The following TRO variants were observed in gnomAD, a reference collection of about 807,000 sequenced individuals.
The protein encoded by TRO is trophinin.
In TRO, 29 loss-of-function variants were observed where a neutral mutation model predicts 42.3. The ratio of observed to expected loss-of-function variants is 0.68; its 90% confidence interval spans 0.51 to 0.93. The LOEUF (loss-of-function observed/expected upper bound fraction) is 0.93, where lower values mean the gene tolerates loss of function less well. Among genes scored for constraint, TRO ranks in the 40% least tolerant of loss-of-function variants. The pLI is 0.00. For missense variants in TRO, 963 were observed against 1,127.7 expected (o/e 0.85, Z 2.09); for synonymous variants, 384 against 425.2 (o/e 0.90, Z 1.19).
Position 54,922,635 on chromosome X carries a change from G to C in TRO, c.103G>C (p.Glu35Gln). The C allele has an allele frequency of 1.7e-6, 2 of 1,211,477 alleles. No individual in the cohort carries two copies. Among genetic ancestry groups the C allele is most frequent in the Non-Finnish European group, 2.2e-6 (2 of 895,445 alleles). Residue 35 changes from glutamate (E) to glutamine (Q), a missense_variant, in exon 3 of 13, where the codon GAG becomes CAG. By Grantham distance (29) the Glu-to-Gln change is conservative. Coordinates refer to ENST00000173898, the MANE Select transcript of TRO (RefSeq NM_001039705.3). Reference sequence around the variant, plus strand: ...TCCCTTCCCTCCAGATATACAGACTGAGACCACAGAAGAGGACAGTGTCCT... The same window carrying C: ...TCCCTTCCCTCCAGATATACAGACTCAGACCACAGAAGAGGACAGTGTCCT... ...GLPFPPDIQT[E>Q]TTEEDSVLLM...
Position 54,928,649 on chromosome X carries a change from C to T in TRO, c.1925C>T (p.Ala642Val). Reference sequence around the variant, plus strand: ...GACTGGGCTGTGCAGTACCGCGAGGCAGTGGAGATGGAAGTCCAAGCTGCA... The same window carrying T: ...GACTGGGCTGTGCAGTACCGCGAGGTAGTGGAGATGGAAGTCCAAGCTGCA... ...PKDWAVQYRE[A>V]VEMEVQAAAV... The change falls in exon 12 of 13, where the codon GCA becomes GTA. Residue 642 changes from alanine (A) to valine (V), a missense_variant. This residue lies in a region of TRO where 641 missense variants were observed against 811.3 expected (regional missense o/e 0.79). Coordinates refer to ENST00000173898, the MANE Select transcript of TRO (RefSeq NM_001039705.3). The T allele has an allele frequency of 8.4e-7, 1 of 1,193,264 alleles. No individual in the cohort carries two copies. Among genetic ancestry groups the T allele is most frequent in the Non-Finnish European group, 1.1e-6 (1 of 886,667 alleles).
At chrX:54,923,878 T>C in intron 3 of TRO, 110 bp downstream of exon 3, 1 of 812,319 alleles carries the variant, frequency 1.2e-6, no homozygotes, top group African/African-American at 2.1e-5. Flanking sequence ...GTCCCTGTGT[T>C]CAGATAGGCT....
intron 5 of TRO, 27 bp downstream of exon 5, chrX:54,924,760 G>C: frequency 8.4e-7 from 1 of 1,193,968 alleles, no homozygotes; most frequent in Non-Finnish European, 1.1e-6. Context: ...CCTCCTCCTT[G>C]AGCTCTCCTC....
rs372629781 is a variant in TRO, at chrX:54,923,033, G to A, written c.501G>A (p.Lys167=). The change falls in exon 3 of 13, where the codon AAG becomes AAA. Residue 167 remains lysine (K), a synonymous_variant. Coordinates refer to ENST00000173898, the MANE Select transcript of TRO (RefSeq NM_001039705.3). ...ATGAGGGTGGCACTATACAGCTGAA[G>A]TCACCCTTGCAGGTCCTAAAGCTAC... ...TGHEGGTIQL[K]SPLQVLKLPV... 76 of 1,210,458 alleles carry A rather than the reference G, an allele frequency of 6.3e-5. No homozygotes were observed. The highest frequency in any genetic ancestry group is 8.4e-5 in the Non-Finnish European group (75 of 895,419).
At chrX:54,926,331 G>A (rs771068974) in intron 7 of TRO, 79 bp from the exon 8 acceptor site, 2 of 993,237 alleles carry the variant, frequency 2.0e-6, no homozygotes, top group Non-Finnish European at 2.8e-6. Flanking sequence ...TGTATCTTTT[G>A]CGGATGGCTG....
At position 54,923,655 on chromosome X, in the gene TRO, G is replaced by C. The variant is rs374161292; in HGVS notation, c.1123G>C (p.Val375Leu). Reference sequence around the variant, plus strand: ...CAAGATAGCCTCTGCTCAGACCAACGTAAGTGCCCTTGAGACTCAGGTTGC... The same window carrying C: ...CAAGATAGCCTCTGCTCAGACCAACCTAAGTGCCCTTGAGACTCAGGTTGC... ...QAKIASAQTN[V>L]SALETQVAAA... Residue 375 changes from valine (V) to leucine (L), a missense_variant, in exon 3 of 13, where the codon GTA becomes CTA. Around this residue, in one of 2 missense-constraint regions of TRO, gnomAD observed 322 missense variants for 316.5 expected, o/e 1.02. Transcript: ENST00000173898. The C allele has an allele frequency of 3.1e-5, 38 of 1,209,880 alleles. No individual in the cohort carries two copies. In the African/African-American group the frequency reaches 5.7e-4, roughly 18 times the overall value.
chrX:54,924,316 C>A, intron 3 of TRO, 135 bp from the exon 4 acceptor site: 1 of 556,166 alleles, frequency 1.8e-6, no homozygotes, highest in Non-Finnish European at 2.8e-6. Flanking sequence ...ATGGCAAGGT[C>A]AGGATCAGGC....
Position 54,927,698 on chromosome X carries a change from A to G in TRO, c.1795A>G (p.Arg599Gly). 1 of 1,211,457 alleles carries G rather than the reference A, an allele frequency of 8.3e-7. No individual in the cohort carries two copies. Among genetic ancestry groups the G allele is most frequent in the Non-Finnish European group, 1.1e-6 (1 of 895,139 alleles). Residue 599 changes from arginine (R) to glycine (G), a missense_variant, in exon 11 of 13, where the codon AGA becomes GGA. Arg to Gly is a moderately radical substitution (Grantham distance 125). Transcript: ENST00000173898. ...YLEYKRVPNS[R>G]PPEYEFFWGL... ...GGAGTACAAGAGGGTCCCTAACAGC[A>G]GACCACCTGAATATGAGTTCTTCTG... is the stretch of plus-strand genomic sequence containing the variant.
At chrX:54,921,701 G>A (rs1932074184) in intron 1 of TRO, among the ~76,000 whole-genome samples, 1 of 103,675 alleles carries the variant, frequency 9.6e-6, no homozygotes, top group African/African-American at 3.5e-5. Context: ...GCGGTGTTGG[G>A]GTAGGGGCGG....
chrX:54,930,958 A>G lies in TRO; in HGVS notation c.4234A>G (p.Thr1412Ala), dbSNP rs1933124615. 3.3e-6 allele frequency: 4 copies of G among 1,206,570 alleles called. No individual in the cohort carries two copies. The highest frequency in any genetic ancestry group is 4.5e-6 in the Non-Finnish European group (4 of 891,975). The stretch of plus-strand genomic sequence containing the variant: ...TGCTGGCTTTGGTGGTGGACCGAGC[A>G]CCAGTGCTGGCTTTGGCAGTGGAGC... The part of the protein sequence containing the change: ...TGAGFGGGPS[T>A]SAGFGSGAAS... Residue 1412 changes from threonine (T) to alanine (A), a missense_variant, in exon 12 of 13, where the codon ACC (threonine) becomes GCC (alanine). Physicochemically the swap from Thr to Ala is moderately conservative, Grantham distance 58. Around this residue, in one of 2 missense-constraint regions of TRO, gnomAD observed 641 missense variants for 811.3 expected, o/e 0.79. Coordinates refer to ENST00000173898, the MANE Select transcript of TRO (RefSeq NM_001039705.3).
intron 7 of TRO, 55 bp from the exon 8 acceptor site, chrX:54,926,355 C>A: frequency 8.7e-7 from 1 of 1,142,965 alleles, no homozygotes; most frequent in South Asian, 1.9e-5. Flanking sequence ...AAACATAAAC[C>A]TTCTTTCTGT....
chrX:54,925,126 C>T (rs1249050091), intron 6 of TRO, 58 bp downstream of exon 6: 23 of 1,041,750 alleles, frequency 2.2e-5, no homozygotes, highest in Middle Eastern at 2.7e-4. Flanking sequence ...CGAGCAAAGA[C>T]ATACATGTCC....
chrX:54,924,367 T>C (rs1042956783), intron 3 of TRO, 84 bp from the exon 4 acceptor site: 8 of 925,979 alleles, frequency 8.6e-6, no homozygotes, highest in Non-Finnish European at 1.2e-5. Flanking sequence ...AGAGGGACTT[T>C]CTGTCTGGAG....
rs1191608272 is a variant in TRO at position 54,929,799 on chromosome X, C to A, written c.3075C>A (p.Thr1025=). 10 of 1,208,804 alleles carry A rather than the reference C, an allele frequency of 8.3e-6. No individual in the cohort carries two copies. Among genetic ancestry groups the A allele is most frequent in the Non-Finnish European group, 1.1e-5 (10 of 894,744 alleles). ...TCAGCTTTGGCAGTGCACTCAACAC[C>A]AATGCTGGTTATGGTGGTGCTGTCA... ...TSVSFGSALN[T]NAGYGGAVST... The change falls in exon 12 of 13, where the codon ACC becomes ACA. Residue 1025 remains threonine, a synonymous_variant. Coordinates refer to ENST00000173898, the MANE Select transcript of TRO (RefSeq NM_001039705.3).
rs1932398701 is a variant in TRO at position 54,923,650 on chromosome X, C to T, written c.1118C>T (p.Thr373Ile). The T allele has an allele frequency of 8.3e-7, 1 of 1,209,588 alleles. No individual in the cohort carries two copies. The highest frequency in any genetic ancestry group is 1.1e-6 in the Non-Finnish European group (1 of 894,697). The change falls in exon 3 of 13, where the codon ACC (threonine) becomes ATC (isoleucine). Residue 373 changes from threonine to isoleucine, a missense_variant. This residue lies in a region of TRO where 322 missense variants were observed against 316.5 expected (regional missense o/e 1.02). Coordinates refer to ENST00000173898, the MANE Select transcript of TRO (RefSeq NM_001039705.3). ...GAQAKIASAQ[T>I]NVSALETQVA... ...CAGGCCAAGATAGCCTCTGCTCAGA[C>T]CAACGTAAGTGCCCTTGAGACTCAG...
At position 54,929,980 on chromosome X, in the gene TRO, A is replaced by G; in HGVS notation, c.3256A>G (p.Ser1086Gly). The G allele has an allele frequency of 5.0e-6, 6 of 1,212,002 alleles. No homozygotes were observed. The highest frequency in any genetic ancestry group is 6.7e-6 in the Non-Finnish European group (6 of 895,556). ...SASFSGAVST[S>G]ACFSGAPITN... is the part of the protein sequence containing the mutation. ...CAGCTTCAGTGGTGCTGTCAGCACC[A>G]GTGCTTGCTTCAGTGGTGCACCAAT... The change falls in exon 12 of 13, where the codon AGT (serine) becomes GGT (glycine). Residue 1086 changes from serine (S) to glycine (G), a missense_variant. Physicochemically the swap from Ser to Gly is moderately conservative, Grantham distance 56 (BLOSUM62 0). Transcript: ENST00000173898.
At chrX:54,925,413 C>G (rs1289389986) in intron 6 of TRO, among the ~76,000 whole-genome samples, 179 bp from the exon 7 acceptor site, 1 of 112,074 alleles carries the variant, frequency 8.9e-6, no homozygotes, top group African/African-American at 3.2e-5. Context: ...GACAATAGTA[C>G]ATTTGCTGTG....
At position 54,923,087 on chromosome X, in the gene TRO, A is replaced by T. The variant is rs1399961662; in HGVS notation, c.555A>T (p.Pro185=). ...TCATCTCACAGAATATTCACGCTCC[A>T]ATTGCCAATGAGTCAGCCAGTTCCC... ...LPVISQNIHA[P]IANESASSQA... is the part of the protein sequence containing the mutation. The change falls in exon 3 of 13, where the codon CCA becomes CCT. Residue 185 remains proline, a synonymous_variant. Transcript: ENST00000173898. 6 of 1,210,224 alleles carry T rather than the reference A, an allele frequency of 5.0e-6. No individual in the cohort carries two copies. Among genetic ancestry groups the T allele is most frequent in the Non-Finnish European group, 6.7e-6 (6 of 895,379 alleles).
chrX:54,929,463 C>G lies in TRO; in HGVS notation c.2739C>G (p.Leu913=). 1.7e-6 allele frequency: 2 copies of G among 1,211,802 alleles called. No homozygotes were observed. The highest frequency in any genetic ancestry group is 4.3e-5 in the Admixed American group (2 of 46,109). The part of the protein sequence containing the change: ...PSSSGSFGGT[L]STSICFGGSP... ...CCAGTGGTAGCTTTGGTGGTACACT[C>G]AGTACCAGTATCTGCTTCGGTGGCT... The change falls in exon 12 of 13, where the codon CTC becomes CTG. Residue 913 remains leucine (L), a synonymous_variant. Transcript: ENST00000173898.
Sources: gnomAD v4.1 joint callset for allele counts (sites outside exome capture counted in the v4.1 genomes callset) on GRCh38, gnomAD v4.1.1 for gene constraint, gnomAD v4.1.1 regional missense constraint, MANE v1.5 for transcripts, NCBI Gene and HGNC (gene_info 2026-07-23, HGNC 2026-07-21) for gene names.